ACOXL: variants seen among roughly 807,000 people sequenced by gnomAD.
The protein encoded by ACOXL is acyl-CoA oxidase like.
ACOXL carries 70 observed loss-of-function variants against 71.9 expected under a neutral mutation model. The ratio of observed to expected loss-of-function variants is 0.97; its 90% CI spans 0.80 to 1.19. The LOEUF (loss-of-function observed/expected upper bound fraction) is 1.19. Among genes scored for constraint, ACOXL ranks in the 50% most tolerant of loss-of-function variants. The pLI, the probability that ACOXL is intolerant of heterozygous loss-of-function variation, is 0.00. For missense variants in ACOXL, 703 were observed against 736.3 expected, an observed-to-expected ratio of 0.95 and a Z score of 0.52; for synonymous variants, 253 against 281.6, an observed-to-expected ratio of 0.90 and a Z score of 1.02.
intron 1 of ACOXL, among the ~76,000 whole-genome samples, chr2:110,762,807 A>G (rs972749408): frequency 6.6e-6 from 1 of 152,000 alleles, no homozygotes; most frequent in South Asian, 2.1e-4. Flanking sequence ...ACATGCACAC[A>G]ACCACATCCA....
chr2:111,036,968 C>T (rs764497376), intron 15 of ACOXL: 2 of 151,998 alleles, frequency 1.3e-5, no homozygotes, highest in Non-Finnish European at 2.9e-5. Context: ...ATGGAAGCAT[C>T]GTAGTATGTA....
At chr2:111,111,960 C>T (rs2069998867) in intron 17 of ACOXL, among the ~76,000 whole-genome samples, 1 of 152,050 alleles carries the variant, frequency 6.6e-6, no homozygotes. Flanking sequence ...AAATTGTGTA[C>T]TCTTTAGTTG....
intron 1 of ACOXL, among the ~76,000 whole-genome samples, chr2:110,734,421 C>G (rs1005852842): frequency 6.6e-6 from 1 of 152,074 alleles, no homozygotes; most frequent in Non-Finnish European, 1.5e-5. Context: ...AGGCACCCAC[C>G]ACCACGCCTG....
chr2:111,051,612 G>A (rs567499349), intron 16 of ACOXL, among the ~76,000 whole-genome samples: 3 of 152,210 alleles, frequency 2.0e-5, no homozygotes, highest in African/African-American at 7.2e-5. Context: ...GGGAGTACAG[G>A]TGTCTGCCAC....
chr2:110,810,639 TCATCCATC>T (rs773348069), intron 9 of ACOXL, among the ~76,000 whole-genome samples: 2 of 152,006 alleles, frequency 1.3e-5, no homozygotes, highest in Non-Finnish European at 2.9e-5. Context: ...CACCCATCCA[TCATCCATC>T]CATCCATCCA....
chr2:110,983,833 A>G (rs1003928648), intron 12 of ACOXL, among the ~76,000 whole-genome samples: 1 of 152,190 alleles, frequency 6.6e-6, no homozygotes, highest in Non-Finnish European at 1.5e-5. Flanking sequence ...AGTCACCATT[A>G]TTATGTAAGA....
At chr2:110,961,245 A>G (rs992819017) in intron 12 of ACOXL, among the ~76,000 whole-genome samples, 2 of 152,200 alleles carry the variant, frequency 1.3e-5, no homozygotes, top group Admixed American at 1.3e-4. Context: ...ATCAACATCC[A>G]GTTTCACTTG....
chr2:111,005,138 T>A (rs1294147821), intron 14 of ACOXL, among the ~76,000 whole-genome samples: 2 of 152,240 alleles, frequency 1.3e-5, no homozygotes, highest in African/African-American at 4.8e-5. Context: ...GTTTTCTCTC[T>A]CATCACCTGT....
At chr2:110,933,027 A>AT (rs1196076107) in intron 11 of ACOXL, among the ~76,000 whole-genome samples, 4 of 151,994 alleles carry the variant, frequency 2.6e-5, no homozygotes, top group African/African-American at 4.8e-5. Context: ...GCAGGTATAA[A>AT]TTTTTTTGTT....
At chr2:110,753,101 C>T (rs572831488) in intron 1 of ACOXL, among the ~76,000 whole-genome samples, 1 of 152,084 alleles carries the variant, frequency 6.6e-6, no homozygotes, top group African/African-American at 2.4e-5. Context: ...AGTTCTCACT[C>T]TATTAGTTCA....
At chr2:110,741,211 C>T (rs868783378) in intron 1 of ACOXL, among the ~76,000 whole-genome samples, 6 of 152,052 alleles carry the variant, frequency 3.9e-5, no homozygotes, top group African/African-American at 1.2e-4. Context: ...ATAGGGCTGC[C>T]GTAATAATGT....
chr2:110,798,680 A>G lies in ACOXL; in HGVS notation c.416A>G (p.Tyr139Cys). 6.2e-7 allele frequency: 1 copy of G among 1,614,184 alleles called. No individual in the cohort carries two copies. Among genetic ancestry groups the G allele is most frequent in the South Asian group, 1.1e-5 (1 of 91,086 alleles). Residue 139 changes from tyrosine (Y) to cysteine (C), a missense_variant, in exon 6 of 18, where the codon TAT becomes TGT. Coordinates refer to ENST00000439055, the MANE Select transcript of ACOXL (RefSeq NM_001142807.4). ...ATTGGAAATGCCATGTACGGGAATT[A>G]TGCAGCTGTCTTTGCCCAGCTCATC... ...MYIGNAMYGN[Y>C]AAVFAQLIID...
intron 10 of ACOXL, among the ~76,000 whole-genome samples, chr2:110,843,711 C>G (rs1691459639): frequency 2.0e-5 from 3 of 152,198 alleles, no homozygotes; most frequent in South Asian, 4.1e-4. Flanking sequence ...CTCTGCTCTC[C>G]CCAGGAGACA....
intron 3 of ACOXL, among the ~76,000 whole-genome samples, chr2:110,787,071 A>G (rs1448743109): frequency 6.7e-6 from 1 of 149,440 alleles, no homozygotes; most frequent in Non-Finnish European, 1.5e-5. Flanking sequence ...GAAAGTAGGT[A>G]GGGGTGGCGG....
chr2:110,883,840 A>T (rs1696976474), intron 10 of ACOXL, among the ~76,000 whole-genome samples: 1 of 152,236 alleles, frequency 6.6e-6, no homozygotes, highest in Non-Finnish European at 1.5e-5. Flanking sequence ...GACATACTCC[A>T]TCCTTTGTAT....
At chr2:111,001,864 A>C (rs1398732865) in intron 14 of ACOXL, among the ~76,000 whole-genome samples, 6 of 152,132 alleles carry the variant, frequency 3.9e-5, no homozygotes, top group Non-Finnish European at 8.8e-5. Context: ...TTGGAAGTGT[A>C]TGTTTTTAGA....
chr2:110,931,075 A>C (rs1332649832), intron 11 of ACOXL, among the ~76,000 whole-genome samples: 1 of 152,256 alleles, frequency 6.6e-6, no homozygotes, highest in Non-Finnish European at 1.5e-5. Flanking sequence ...ATTTTGCCTC[A>C]AGAATCCCTA....
chr2:110,867,979 T>G (rs1433802718), intron 10 of ACOXL, among the ~76,000 whole-genome samples: 2 of 152,180 alleles, frequency 1.3e-5, no homozygotes, highest in Non-Finnish European at 2.9e-5. Context: ...GCTAGGCTGG[T>G]CTTGAACTCC....
At chr2:110,971,185 G>A (rs1234700576) in intron 12 of ACOXL, among the ~76,000 whole-genome samples, 2 of 152,146 alleles carry the variant, frequency 1.3e-5, no homozygotes, top group Non-Finnish European at 2.9e-5. Flanking sequence ...TCACTGAAGA[G>A]GATATACCCA....
Sources: gnomAD v4.1 joint callset for allele counts (sites outside exome capture counted in the v4.1 genomes callset) on GRCh38, gnomAD v4.1.1 for gene constraint, MANE v1.5 for transcripts, NCBI Gene and HGNC (gene_info 2026-07-23, HGNC 2026-07-21) for gene names.